AK5: variants seen among roughly 807,000 people sequenced by gnomAD.
The protein encoded by AK5 is adenylate kinase 5.
In AK5, 27 loss-of-function variants were observed where a neutral mutation model predicts 69.5. That is an observed-to-expected ratio of 0.39 (90% confidence interval 0.29 to 0.54). The LOEUF is 0.54. Ranked by LOEUF, AK5 falls within the 20% of genes least tolerant of loss-of-function variation. The pLI, the probability that AK5 is intolerant of heterozygous loss-of-function variation, is 0.71. For synonymous variants in AK5, 260 were observed against 244.4 expected (o/e 1.06, Z -0.60); for missense variants, 531 against 700.4 (o/e 0.76, Z 2.73).
intron 8 of AK5, among the ~76,000 whole-genome samples, chr1:77,453,730 C>G (rs1335940408): frequency 6.6e-6 from 1 of 152,236 alleles, no homozygotes; most frequent in African/African-American, 2.4e-5. Context: ...GCTCAGCCCT[C>G]TGGGCATCAG....
At position 77,414,145 on chromosome 1, in the gene AK5, A is replaced by T. The variant is rs377644791; in HGVS notation, c.982+3074A>T. On this transcript the variant is annotated intron_variant, in intron 7 of 13. Transcript: ENST00000354567. ...TTTCATTTTTAGTCATTTGGTACGT[A>T]TGCATTGAACACATGTACCTTCTAA... 5.9e-5 allele frequency among the ~76,000 whole-genome samples: 9 copies of T among 152,222 alleles called. No individual in the cohort carries two copies. The East Asian group carries it at 7.7e-4, about 13-fold the overall frequency.
At chr1:77,326,080 A>T (rs914433916) in intron 5 of AK5, among the ~76,000 whole-genome samples, 3 of 152,188 alleles carry the variant, frequency 2.0e-5, no homozygotes, top group African/African-American at 7.2e-5. Context: ...GCTGGACTTT[A>T]GGTGTTACTT....
At chr1:77,497,155 A>G (rs1470219145) in intron 10 of AK5, among the ~76,000 whole-genome samples, 1 of 152,222 alleles carries the variant, frequency 6.6e-6, no homozygotes, top group East Asian at 1.9e-4. Flanking sequence ...CAAGACCACG[A>G]ACCCACTGGG....
chr1:77,297,444 T>C (rs1659076201), intron 3 of AK5, 115 bp from the exon 4 acceptor site: 1 of 942,388 alleles, frequency 1.1e-6, no homozygotes, highest in Non-Finnish European at 1.6e-6. Context: ...AATGGAACTG[T>C]TAACCACCCT....
At chr1:77,288,063 G>A (rs765333497) in intron 2 of AK5, among the ~76,000 whole-genome samples, 1 of 152,190 alleles carries the variant, frequency 6.6e-6, no homozygotes, top group Admixed American at 6.5e-5. Flanking sequence ...TCTACTGAAT[G>A]CAATGTATTA....
At chr1:77,552,118 C>T (rs1356033668) in intron 13 of AK5, among the ~76,000 whole-genome samples, 1 of 152,198 alleles carries the variant, frequency 6.6e-6, no homozygotes, top group Non-Finnish European at 1.5e-5. Context: ...CCTCCATCAT[C>T]CCCAGGTGCT....
At chr1:77,441,711 G>A (rs1463345155) in intron 8 of AK5, among the ~76,000 whole-genome samples, 4 of 152,212 alleles carry the variant, frequency 2.6e-5, no homozygotes, top group Admixed American at 6.5e-5. Flanking sequence ...GGGACACTTA[G>A]CTGAGAGGAT....
chr1:77,368,327 ATGTT>A (rs1647055867), intron 6 of AK5, among the ~76,000 whole-genome samples: 1 of 108,590 alleles, frequency 9.2e-6, no homozygotes, highest in Admixed American at 9.6e-5. Context: ...TATAATATAT[ATGTT>A]ATATATGTTA....
intron 5 of AK5, among the ~76,000 whole-genome samples, chr1:77,326,417 C>A (rs1323560192): frequency 6.6e-6 from 1 of 151,690 alleles, no homozygotes; most frequent in African/African-American, 2.4e-5. Flanking sequence ...AAAAAAGATA[C>A]CAGTTTGCCT....
intron 10 of AK5, among the ~76,000 whole-genome samples, chr1:77,494,405 G>C (rs1356229257): frequency 2.0e-5 from 3 of 152,198 alleles, no homozygotes; most frequent in African/African-American, 7.2e-5. Context: ...TCAGGGGGCA[G>C]TAGCAGATGC....
chr1:77,290,180 C>A (rs1658607790), intron 2 of AK5, among the ~76,000 whole-genome samples: 2 of 152,160 alleles, frequency 1.3e-5, no homozygotes, highest in African/African-American at 2.4e-5. Context: ...GGTCTTGTAT[C>A]TGAAAGGTAT....
At chr1:77,455,453 G>C (rs1045866073) in intron 8 of AK5, among the ~76,000 whole-genome samples, 1 of 152,064 alleles carries the variant, frequency 6.6e-6, no homozygotes, top group Non-Finnish European at 1.5e-5. Context: ...AAATGAAGAG[G>C]GGAAGCCCCT....
chr1:77,293,769 C>A (rs761502561), intron 2 of AK5, 24 bp from the exon 3 acceptor site: 1 of 1,562,228 alleles, frequency 6.4e-7, no homozygotes, highest in Non-Finnish European at 8.6e-7. Context: ...TTTTCCTTTT[C>A]AAAGTTATCT....
chr1:77,522,030 C>A, intron 12 of AK5, 87 bp downstream of exon 12: 2 of 1,040,292 alleles, frequency 1.9e-6, no homozygotes, highest in Non-Finnish European at 2.8e-6. Flanking sequence ...ATTTCTTTCC[C>A]AATTACATTA....
At chr1:77,469,869 G>A (rs891416182) in intron 8 of AK5, among the ~76,000 whole-genome samples, 9 of 152,194 alleles carry the variant, frequency 5.9e-5, no homozygotes, top group Non-Finnish European at 7.3e-5. Context: ...TTAAAGGGTC[G>A]GGGGAAAATA....
chr1:77,496,210 G>C (rs1432430055), intron 10 of AK5, among the ~76,000 whole-genome samples: 1 of 152,216 alleles, frequency 6.6e-6, no homozygotes, highest in Admixed American at 6.5e-5. Context: ...AAGAAAGTGG[G>C]GGTGAGCCTA....
intron 6 of AK5, among the ~76,000 whole-genome samples, chr1:77,403,432 C>A (rs1166238205): frequency 6.6e-6 from 1 of 151,960 alleles, no homozygotes; most frequent in Admixed American, 6.6e-5. Context: ...GGTTTTAGGT[C>A]TAACATTTAA....
intron 12 of AK5, among the ~76,000 whole-genome samples, chr1:77,530,575 G>T (rs1169587182): frequency 1.3e-5 from 2 of 152,180 alleles, no homozygotes; most frequent in Non-Finnish European, 2.9e-5. Flanking sequence ...CAGGTCAAAA[G>T]GATGACTATG....
chr1:77,324,497 T>C (rs1048536353), intron 5 of AK5, among the ~76,000 whole-genome samples: 1 of 152,190 alleles, frequency 6.6e-6, no homozygotes, highest in African/African-American at 2.4e-5. Context: ...CCTAACCCAG[T>C]ATGCTGAGAA....
Sources: allele counts gnomAD v4.1 joint callset (sites outside exome capture counted in the v4.1 genomes callset), GRCh38; gene constraint gnomAD v4.1.1; transcripts MANE v1.5; gene names NCBI Gene and HGNC (gene_info 2026-07-23, HGNC 2026-07-21).